FRMPD4: variants seen among roughly 807,000 people sequenced by gnomAD.
FRMPD4 encodes FERM and PDZ domain containing 4, also known as FERM and PDZ domain-containing protein 4.
FRMPD4 carries 22 observed loss-of-function variants against 94.1 expected under a neutral mutation model. The observed-to-expected ratio is 0.23, with a 90% CI of 0.17 to 0.33. FRMPD4 has a LOEUF of 0.33. FRMPD4 is among the 10% of genes least tolerant of loss of function. The pLI is 1.00. For missense variants in FRMPD4, 1,111 were observed against 1,339.9 expected (o/e 0.83, Z 2.67); for synonymous variants, 631 against 548.6 (o/e 1.15, Z -2.10).
chrX:11,848,878 T>A (rs140503110), intron 1 of FRMPD4, among the ~76,000 whole-genome samples: 618 of 111,887 alleles, frequency 5.5e-3, no homozygotes, highest in African/African-American at 0.019. Flanking sequence ...CCGAAAGCTT[T>A]TCTTCTAAGA....
chrX:11,918,249 G>A (rs1220815748), intron 3 of FRMPD4, among the ~76,000 whole-genome samples: 1 of 113,003 alleles, frequency 8.8e-6, no homozygotes, highest in Non-Finnish European at 1.9e-5. Context: ...AATTTGTTCT[G>A]TTTGTAAGGG....
intron 3 of FRMPD4, among the ~76,000 whole-genome samples, chrX:11,971,853 A>G (rs1264619078): frequency 8.9e-6 from 1 of 112,487 alleles, no homozygotes; most frequent in African/African-American, 3.2e-5. Context: ...TTCACTTCAG[A>G]TATACTGCAA....
intron 3 of FRMPD4, among the ~76,000 whole-genome samples, chrX:12,051,456 T>C (rs1284307090): frequency 8.9e-6 from 1 of 111,813 alleles, no homozygotes; most frequent in Non-Finnish European, 1.9e-5. Context: ...TTTAATTGTT[T>C]GATCAGGTAC....
intron 1 of FRMPD4, among the ~76,000 whole-genome samples, chrX:12,498,095 T>G (rs780105395): frequency 9.0e-6 from 1 of 111,201 alleles, no homozygotes; most frequent in East Asian, 2.8e-4. Flanking sequence ...TCATCACTGC[T>G]CCCTGCCACC....
At chrX:12,107,775 G>A (rs1272539894) in intron 3 of FRMPD4, among the ~76,000 whole-genome samples, 1 of 111,845 alleles carries the variant, frequency 8.9e-6, no homozygotes, top group Non-Finnish European at 1.9e-5. Flanking sequence ...TGTGACGAAT[G>A]CACAAGCTTC....
intron 2 of FRMPD4, chrX:12,583,583 A>G: frequency 3.0e-6 from 2 of 664,596 alleles, no homozygotes; most frequent in East Asian, 7.6e-5. Flanking sequence ...TAACCGCACC[A>G]GCTGAGCCTC....
chrX:12,563,452 C>T (rs1245137252), intron 2 of FRMPD4, among the ~76,000 whole-genome samples: 6 of 111,601 alleles, frequency 5.4e-5, no homozygotes, highest in Admixed American at 9.5e-5. Flanking sequence ...AGAGGGTGAC[C>T]GCTGGTCTGA....
At chrX:12,083,372 T>C (rs770423866) in intron 3 of FRMPD4, among the ~76,000 whole-genome samples, 8 of 112,885 alleles carry the variant, frequency 7.1e-5, no homozygotes, top group Non-Finnish European at 1.3e-4. Context: ...GAATTGAGGT[T>C]TGGGAACCTC....
In FRMPD4 at chrX:12,541,404, G is replaced by A. The variant is rs758911856; in HGVS notation, c.158+42608G>A. Among the ~76,000 whole-genome samples, 686 of 110,575 alleles carry A rather than the reference G, an allele frequency of 6.2e-3. 6 individuals are homozygous for A. Among genetic ancestry groups the A allele is most frequent in the African/African-American group, 0.02 (605 of 30,379 alleles). On this transcript the variant is annotated intron_variant, in intron 2 of 16. Transcript: ENST00000675598. ...TAGATGCAATAAAAAATGATAAAGG[G>A]GATATCACCACCGATCCCACAGAAA... is the stretch of plus-strand genomic sequence containing the variant.
chrX:12,676,508 A>G (rs1302919678), intron 5 of FRMPD4, among the ~76,000 whole-genome samples: 1 of 112,525 alleles, frequency 8.9e-6, no homozygotes, highest in Non-Finnish European at 1.9e-5. Context: ...TCTATATTGT[A>G]TAATCTATTA....
At chrX:12,309,664 G>T (rs1330137113) in intron 1 of FRMPD4, among the ~76,000 whole-genome samples, 1 of 112,258 alleles carries the variant, frequency 8.9e-6, no homozygotes, top group African/African-American at 3.2e-5. Context: ...GTAAATGTTT[G>T]TTCAATGAAT....
At chrX:12,527,079 G>GA (rs1053974209) in intron 2 of FRMPD4, among the ~76,000 whole-genome samples, 2 of 111,507 alleles carry the variant, frequency 1.8e-5, no homozygotes. Context: ...TGGAAAGCTG[G>GA]AAAAAAAATA....
intron 2 of FRMPD4, among the ~76,000 whole-genome samples, chrX:12,557,700 C>A (rs2058610918): frequency 9.0e-6 from 1 of 111,407 alleles, no homozygotes; most frequent in Non-Finnish European, 1.9e-5. Flanking sequence ...CTCCATAGTG[C>A]CCCATCTCTC....
At chrX:12,556,989 G>C (rs1294773234) in intron 2 of FRMPD4, among the ~76,000 whole-genome samples, 1 of 111,769 alleles carries the variant, frequency 8.9e-6, no homozygotes, top group East Asian at 2.8e-4. Flanking sequence ...ATTTTCGGTA[G>C]ACATGAGATT....
intron 2 of FRMPD4, among the ~76,000 whole-genome samples, chrX:12,580,236 C>G (rs967401475): frequency 1.8e-5 from 2 of 111,669 alleles, no homozygotes; most frequent in Non-Finnish European, 3.8e-5. Context: ...AATAGAAAAC[C>G]TATAGTTTTT....
intron 4 of FRMPD4, among the ~76,000 whole-genome samples, chrX:12,659,387 C>T (rs147591230): frequency 0.014 from 1,519 of 112,456 alleles, 27 homozygotes; most frequent in African/African-American, 0.046. Flanking sequence ...GTAAGCTCTG[C>T]CAGGTTAGGT....
chrX:12,556,849 G>A (rs765761618), intron 2 of FRMPD4, among the ~76,000 whole-genome samples: 1 of 52,233 alleles, frequency 1.9e-5, no homozygotes, highest in East Asian at 4.4e-4. Flanking sequence ...GGGTATACAA[G>A]TTTGTTTGTT....
intron 2 of FRMPD4, among the ~76,000 whole-genome samples, chrX:12,540,264 T>C (rs927693960): frequency 9.0e-6 from 1 of 111,509 alleles, no homozygotes; most frequent in Admixed American, 9.5e-5. Context: ...GTAAATGGGC[T>C]AAATGCACCA....
chrX:12,103,136 G>A (rs998861456), intron 3 of FRMPD4, among the ~76,000 whole-genome samples: 2 of 111,179 alleles, frequency 1.8e-5, no homozygotes, highest in African/African-American at 6.5e-5. Context: ...GGCTCCAACG[G>A]TAAGAGTCAC....
Sources: gnomAD v4.1 joint callset for allele counts (sites outside exome capture counted in the v4.1 genomes callset) on GRCh38, gnomAD v4.1.1 for gene constraint, MANE v1.5 for transcripts, NCBI Gene and HGNC (gene_info 2026-07-23, HGNC 2026-07-21) for gene names.